The following TUBB8B variants were observed in gnomAD, a reference collection of about 807,000 sequenced individuals.
TUBB8B encodes the protein HSA18p11 beta-tubulin 4Q pseudogene.
A neutral mutation model predicts 31.9 loss-of-function variants in TUBB8B; 26 were observed. That is an observed-to-expected ratio of 0.81 (90% confidence interval 0.60 to 1.13). The LOEUF is 1.13. Among genes scored for constraint, TUBB8B ranks in the 50% most tolerant of loss-of-function variants. The pLI is 0.00. For missense variants in TUBB8B, 467 were observed against 586.7 expected (o/e 0.80, Z 2.11); for synonymous variants, 173 against 231.0 (o/e 0.75, Z 2.28).
upstream of TUBB8B, among the ~76,000 whole-genome samples, chr18:53,671 G>A (rs1300429534): frequency 6.6e-6 from 1 of 151,798 alleles, no homozygotes; most frequent in East Asian, 1.9e-4. Flanking sequence ...GTTTCATTCT[G>A]TTGGCCAGGC....
the TUBB8B span, among the ~76,000 whole-genome samples, chr18:63,604 T>C: frequency 1.3e-5 from 2 of 149,972 alleles, no homozygotes; most frequent in African/African-American, 4.9e-5. Flanking sequence ...ACCATATAAC[T>C]TTATTAAAAG....
Position 48,767 on chromosome 18 carries a change from G to A in TUBB8B, c.277+173C>T, listed in dbSNP as rs928678642. The A allele has an allele frequency of 2.7e-5, 19 of 704,148 alleles. 1 individual carries two copies. Among genetic ancestry groups the A allele is most frequent in the Admixed American group, 1.6e-4 (8 of 49,664 alleles). 43.6% of individuals were successfully genotyped at this position (704,148 alleles called of 1,614,324 possible). ...TAGCTCCTCACCTTGAGGAGACACC[G>A]GGGCCTTCCTCCCGAAGCCCATTTA... On this transcript the variant is annotated intron_variant, in intron 3 of 3. Transcript: ENST00000308911.
At chr18:65,209 G>T in the TUBB8B span, among the ~76,000 whole-genome samples, 1 of 152,024 alleles carries the variant, frequency 6.6e-6, no homozygotes, top group African/African-American at 2.4e-5. Context: ...GCTGAGGCAG[G>T]AGAATAGCTT....
chr18:52,133 C>T (rs1906134355), upstream of TUBB8B, among the ~76,000 whole-genome samples: 1 of 151,898 alleles, frequency 6.6e-6, no homozygotes, highest in Admixed American at 6.6e-5. Context: ...CCTGTAGGTG[C>T]TGTTCTAATG....
chr18:63,291 T>C, the TUBB8B span, among the ~76,000 whole-genome samples: 3 of 151,796 alleles, frequency 2.0e-5, 1 homozygote, highest in Non-Finnish European at 4.4e-5. Context: ...ATTTTCCAGG[T>C]GTTCAAAGAG....
chr18:67,065 G>A, the TUBB8B span, among the ~76,000 whole-genome samples: 256 of 148,360 alleles, frequency 1.7e-3, 1 homozygote, highest in Middle Eastern at 0.018. Flanking sequence ...GCAAGATCTC[G>A]GCTCACTGCA....
At chr18:70,410 A>G in the TUBB8B span, among the ~76,000 whole-genome samples, 7 of 152,306 alleles carry the variant, frequency 4.6e-5, no homozygotes, top group African/African-American at 1.7e-4. Context: ...AGGCGGGCAG[A>G]TCACTTGAGG....
chr18:51,681 C>T (rs1393104634), upstream of TUBB8B, among the ~76,000 whole-genome samples: 1 of 151,770 alleles, frequency 6.6e-6, no homozygotes, highest in Non-Finnish European at 1.5e-5. Flanking sequence ...CTCAGGTCAT[C>T]CACTGCCTTG....
chr18:57,252 G>A, the TUBB8B span, among the ~76,000 whole-genome samples: 7 of 151,580 alleles, frequency 4.6e-5, 1 homozygote, highest in Non-Finnish European at 1.0e-4. Flanking sequence ...TCTCATCTAA[G>A]ACAAAGCTAG....
chr18:73,520 G>C, the TUBB8B span: 4 of 153,110 alleles, frequency 2.6e-5, no homozygotes, highest in African/African-American at 9.6e-5. Context: ...CACGGTTCGC[G>C]CGCGCCGCCC....
chr18:72,373 A>G, the TUBB8B span, among the ~76,000 whole-genome samples: 1 of 152,182 alleles, frequency 6.6e-6, no homozygotes, highest in Non-Finnish European at 1.5e-5. Flanking sequence ...TATAGTTAAT[A>G]CATTTCAACT....
the TUBB8B span, among the ~76,000 whole-genome samples, chr18:62,505 G>A: frequency 1.1e-4 from 16 of 149,446 alleles, 1 homozygote; most frequent in East Asian, 7.9e-4. Flanking sequence ...TGGAAGCTCC[G>A]CCTCTTGGGT....
the TUBB8B span, among the ~76,000 whole-genome samples, chr18:65,990 A>G: frequency 6.6e-6 from 1 of 152,164 alleles, no homozygotes; most frequent in Non-Finnish European, 1.5e-5. Flanking sequence ...GCACTTTGAG[A>G]TGCTGAGGTG....
the TUBB8B span, among the ~76,000 whole-genome samples, chr18:63,577 G>A: frequency 6.6e-6 from 1 of 151,128 alleles, no homozygotes; most frequent in Non-Finnish European, 1.5e-5. Context: ...AAGGCCCACT[G>A]TAACGACAAC....
the TUBB8B span, among the ~76,000 whole-genome samples, chr18:55,555 G>C: frequency 6.6e-6 from 1 of 151,706 alleles, no homozygotes. Flanking sequence ...AGGGGGAAGA[G>C]CCCCTTATAA....
chr18:71,566 AT>A, the TUBB8B span, among the ~76,000 whole-genome samples: 16 of 97,242 alleles, frequency 1.6e-4, no homozygotes, highest in South Asian at 7.4e-4. Flanking sequence ...ACAAAAAAAA[AT>A]TTAAAAAAAA....
At position 49,029 on chromosome 18, in the gene TUBB8B, G is replaced by A. The variant is rs775211157; in HGVS notation, c.188C>T (p.Ala63Val). Residue 63 changes from alanine to valine, a missense_variant, in exon 3 of 4, where the codon GCT becomes GTT. Ala to Val is a moderately conservative substitution (Grantham distance 64, BLOSUM62 0). This residue lies in a region of TUBB8B where 259 missense variants were observed against 380.1 expected (regional missense o/e 0.68). Coordinates refer to ENST00000308911, the MANE Select transcript of TUBB8B (RefSeq NM_001358689.2). ...EASGGRYVPRAVLVDLEPGTM... is the reference protein window; with the variant it reads ...EASGGRYVPRVVLVDLEPGTM... ...GCCCGGCTCCAGATCCACGAGCACA[G>A]CGCGGGGCACGTACCTGCCACCTGC... 5.0e-6 allele frequency: 8 copies of A among 1,608,250 alleles called. No homozygotes were observed. The South Asian group carries it at 5.5e-5, about 11-fold the overall frequency.
the TUBB8B span, among the ~76,000 whole-genome samples, chr18:69,809 T>C: frequency 2.0e-5 from 3 of 152,140 alleles, no homozygotes; most frequent in Non-Finnish European, 4.4e-5. Context: ...CAGAAACACA[T>C]AGGATTAAGA....
chr18:64,854 A>T, the TUBB8B span, among the ~76,000 whole-genome samples: 7 of 152,194 alleles, frequency 4.6e-5, no homozygotes, highest in East Asian at 3.9e-4. Flanking sequence ...CTTTCTGCTA[A>T]TTTTTTCCCC....
Sources: allele counts gnomAD v4.1 joint callset (sites outside exome capture counted in the v4.1 genomes callset), GRCh38; gene constraint gnomAD v4.1.1; regional missense constraint gnomAD v4.1.1; transcripts MANE v1.5; gene names NCBI Gene and HGNC (gene_info 2026-07-23, HGNC 2026-07-21).